RANBP17: variants seen among roughly 807,000 people sequenced by gnomAD.
RANBP17 encodes ran-binding protein 17.
Under a neutral mutation model 141.2 loss-of-function variants are expected in RANBP17, and 158 were observed. The observed-to-expected ratio is 1.12, with a 90% CI of 0.98 to 1.28. The LOEUF (loss-of-function observed/expected upper bound fraction) is 1.28, where lower values mean the gene tolerates loss of function less well. RANBP17 is among the 50% of genes most tolerant of loss of function. The pLI is 0.00. For synonymous variants in RANBP17, 430 were observed against 450.0 expected, an observed-to-expected ratio of 0.96 and a Z score of 0.56; for missense variants, 1,438 against 1,290.7, an observed-to-expected ratio of 1.11 and a Z score of -1.75.
At chr5:171,122,589 G>C (rs1469635887) in intron 14 of RANBP17, among the ~76,000 whole-genome samples, 1 of 152,212 alleles carries the variant, frequency 6.6e-6, no homozygotes, top group Non-Finnish European at 1.5e-5. Flanking sequence ...GCCAGGAGGA[G>C]CACCACACTG....
In RANBP17 at chr5:171,299,636, G is replaced by T; in HGVS notation, c.*778G>T. ...ATTTAATTTTTAAGAGAAGGTGAAG[G>T]TAACTATTAGAATATAATATTTGAA... On this transcript the variant is annotated 3_prime_UTR_variant, in exon 28 of 28. Transcript: ENST00000523189. The T allele has an allele frequency of 4.3e-6, 1 of 230,040 alleles. No homozygotes were observed. Among genetic ancestry groups the T allele is most frequent in the East Asian group, 6.2e-5 (1 of 16,220 alleles). The allele number at this position is 230,040 out of a possible 1,614,324, so 14.2% of individuals were successfully genotyped here.
At chr5:171,183,257 A>G (rs182131365) in intron 17 of RANBP17, 27 bp downstream of exon 17, 89 of 1,584,392 alleles carry the variant, frequency 5.6e-5, no homozygotes, top group Non-Finnish European at 7.5e-5. Flanking sequence ...TAATTAATGA[A>G]TAACATTTTA....
At chr5:170,957,325 A>G (rs1057195621) in intron 13 of RANBP17, among the ~76,000 whole-genome samples, 1 of 152,106 alleles carries the variant, frequency 6.6e-6, no homozygotes, top group African/African-American at 2.4e-5. Context: ...AGAAGAGTAC[A>G]TTTTTAGAGA....
At chr5:171,227,341 T>A (rs1411867006) in intron 22 of RANBP17, among the ~76,000 whole-genome samples, 1 of 152,254 alleles carries the variant, frequency 6.6e-6, no homozygotes, top group Non-Finnish European at 1.5e-5. Context: ...GAGAAGGTTT[T>A]AGTAGTCTGA....
At chr5:171,009,547 ATAAAAGGG>A (rs1368074823) in intron 14 of RANBP17, among the ~76,000 whole-genome samples, 1 of 152,174 alleles carries the variant, frequency 6.6e-6, no homozygotes, top group East Asian at 1.9e-4. Context: ...AATCCCCTGA[ATAAAAGGG>A]TAAATTCTAA....
At chr5:170,880,423 C>G (rs1027603042) in intron 2 of RANBP17, among the ~76,000 whole-genome samples, 1 of 152,160 alleles carries the variant, frequency 6.6e-6, no homozygotes, top group African/African-American at 2.4e-5. Context: ...GCACATATAA[C>G]TTTGGCTGCT....
intron 12 of RANBP17, among the ~76,000 whole-genome samples, chr5:170,951,415 GA>G (rs1775201959): frequency 6.6e-6 from 1 of 152,004 alleles, no homozygotes; most frequent in African/African-American, 2.4e-5. Context: ...CAGCTATAAA[GA>G]AAAATAAGTA....
intron 13 of RANBP17, among the ~76,000 whole-genome samples, chr5:170,960,746 G>A (rs1027537511): frequency 6.6e-6 from 1 of 152,170 alleles, no homozygotes; most frequent in African/African-American, 2.4e-5. Flanking sequence ...ACTATGCAAT[G>A]ACGTCATTGT....
At chr5:171,053,127 T>C (rs1783072231) in intron 14 of RANBP17, among the ~76,000 whole-genome samples, 1 of 152,172 alleles carries the variant, frequency 6.6e-6, no homozygotes, top group Admixed American at 6.5e-5. Context: ...GCCATGTCTT[T>C]CTATTTAGTT....
intron 14 of RANBP17, among the ~76,000 whole-genome samples, chr5:171,107,250 C>T (rs1184655923): frequency 6.6e-6 from 1 of 152,196 alleles, no homozygotes; most frequent in African/African-American, 2.4e-5. Flanking sequence ...TATTACACTG[C>T]TCTTCTTCTC....
intron 13 of RANBP17, among the ~76,000 whole-genome samples, chr5:170,959,756 A>AG (rs1456187311): frequency 6.6e-6 from 1 of 152,370 alleles, no homozygotes; most frequent in East Asian, 1.9e-4. Flanking sequence ...AATGTTACTA[A>AG]GAAAACCATA....
chr5:171,124,762 C>A (rs1288515940), intron 14 of RANBP17, among the ~76,000 whole-genome samples: 4 of 151,716 alleles, frequency 2.6e-5, no homozygotes, highest in Non-Finnish European at 5.9e-5. Flanking sequence ...CAAAAAAAAA[C>A]CACCAAATCA....
intron 16 of RANBP17, among the ~76,000 whole-genome samples, chr5:171,173,815 T>C (rs1196864976): frequency 6.6e-6 from 1 of 152,156 alleles, no homozygotes; most frequent in Non-Finnish European, 1.5e-5. Flanking sequence ...ACAAGCCTCA[T>C]GTTAAGTTGG....
At chr5:170,884,102 C>T (rs192334305) in intron 3 of RANBP17, among the ~76,000 whole-genome samples, 36 of 152,314 alleles carry the variant, frequency 2.4e-4, no homozygotes, top group South Asian at 4.1e-4. Flanking sequence ...GCACCACATC[C>T]TTGCCAGCAT....
intron 13 of RANBP17, among the ~76,000 whole-genome samples, chr5:170,956,899 G>A (rs1414048675): frequency 6.6e-6 from 1 of 151,688 alleles, no homozygotes; most frequent in Non-Finnish European, 1.5e-5. Flanking sequence ...GTGAAACCCC[G>A]TCTCTACTAA....
chr5:170,904,100 A>G, intron 5 of RANBP17: 1 of 408,520 alleles, frequency 2.4e-6, no homozygotes, highest in Non-Finnish European at 4.7e-6. Context: ...GAGGAAATGT[A>G]CAGATTTTAC....
chr5:171,084,060 A>G (rs1344947806), intron 14 of RANBP17, among the ~76,000 whole-genome samples: 1 of 146,460 alleles, frequency 6.8e-6, no homozygotes, highest in Non-Finnish European at 1.5e-5. Flanking sequence ...CGCTGCACCC[A>G]CTAACTCGTC....
chr5:170,874,462 C>CT (rs1768001323), intron 1 of RANBP17, among the ~76,000 whole-genome samples: 1 of 152,186 alleles, frequency 6.6e-6, no homozygotes, highest in Admixed American at 6.5e-5. Flanking sequence ...GTGTGGGAGT[C>CT]TAAGTCCCTT....
At chr5:170,955,681 T>TATACATACAC (rs769742239) in intron 13 of RANBP17, among the ~76,000 whole-genome samples, 1 of 39,092 alleles carries the variant, frequency 2.6e-5, no homozygotes, top group South Asian at 1.5e-3. Context: ...TATATATATA[T>TATACATACAC]ACACTGAATG....
Sources: gnomAD v4.1 joint callset for allele counts (sites outside exome capture counted in the v4.1 genomes callset) on GRCh38, gnomAD v4.1.1 for gene constraint, MANE v1.5 for transcripts, NCBI Gene and HGNC (gene_info 2026-07-23, HGNC 2026-07-21) for gene names.